Variants in WHRN observed in about 807,000 individuals in gnomAD.
WHRN encodes the protein CASK-interacting protein CIP98.
Under a neutral mutation model 68.3 loss-of-function variants are expected in WHRN, and 41 were observed. The ratio of observed to expected loss-of-function variants is 0.60; its 90% CI spans 0.47 to 0.78. WHRN has a LOEUF of 0.78. Among genes scored for constraint, WHRN ranks in the 30% least tolerant of loss-of-function variants. WHRN has a pLI of 0.00. For missense variants in WHRN, 1,243 were observed against 1,244.7 expected (o/e 1.00, Z 0.02); for synonymous variants, 560 against 561.3 (o/e 1.00, Z 0.03).
chr9:114,425,357 G>A (rs751786695), intron 4 of WHRN: 8 of 599,920 alleles, frequency 1.3e-5, no homozygotes, highest in South Asian at 8.1e-5. Context: ...CTCAGGGTCA[G>A]GCCAACCCTC....
At chr9:114,463,378 C>CA (rs61405136) in intron 3 of WHRN, among the ~76,000 whole-genome samples, 1 of 152,166 alleles carries the variant, frequency 6.6e-6, no homozygotes, top group African/African-American at 2.4e-5. Flanking sequence ...TCCACCTATT[C>CA]AAAATCTTTA....
At chr9:114,428,311 C>CA (rs1837076633) in intron 3 of WHRN, among the ~76,000 whole-genome samples, 1 of 152,314 alleles carries the variant, frequency 6.6e-6, no homozygotes, top group South Asian at 2.1e-4. Context: ...GGCTGGGTGA[C>CA]AGAGCAAGAC....
Position 114,504,770 on chromosome 9 carries a change from C to T in WHRN, c.32G>A (p.Ser11Asn). Reference sequence around the variant, plus strand: ...GCCCAGCGAGCCGGTGGAGGACGAGCTCACCGACAGGCCGTCCAGCGGCGC... The same window carrying T: ...GCCCAGCGAGCCGGTGGAGGACGAGTTCACCGACAGGCCGTCCAGCGGCGC... MNAPLDGLSVSSSSTGSLGSA... is the reference protein window; with the variant it reads MNAPLDGLSVNSSSTGSLGSA... The change falls in exon 1 of 12, where the codon AGC (serine) becomes AAC (asparagine). Residue 11 changes from serine (S) to asparagine (N), a missense_variant. By Grantham distance (46) the Ser-to-Asn change is conservative. Transcript: ENST00000362057. 3 of 1,495,406 alleles carry T rather than the reference C, an allele frequency of 2.0e-6. No individual in the cohort carries two copies. The highest frequency in any genetic ancestry group is 1.4e-5 in the African/African-American group (1 of 69,028). 92.6% of individuals were successfully genotyped at this position (1,495,406 alleles called of 1,614,324 possible). A position where few individuals can be genotyped will look rare whatever the true frequency, so the allele number is the denominator to read the frequency against.
chr9:114,455,713 CAAAA>C (rs34546424), intron 3 of WHRN, among the ~76,000 whole-genome samples: 69 of 123,310 alleles, frequency 5.6e-4, no homozygotes, highest in Admixed American at 9.8e-4. Context: ...GACCCTGTCT[CAAAA>C]AAAAAAAAAA....
At position 114,406,778 on chromosome 9, in the gene WHRN, C is replaced by G. The variant is rs1327235327; in HGVS notation, c.1813G>C (p.Glu605Gln). Residue 605 changes from glutamate (E) to glutamine (Q), a missense_variant, in exon 9 of 12, where the codon GAG (glutamate) becomes CAG (glutamine). Glu to Gln is a conservative substitution (Grantham distance 29, BLOSUM62 2). Coordinates refer to ENST00000362057, the MANE Select transcript of WHRN (RefSeq NM_015404.4). Reference sequence around the variant, plus strand: ...ATGGAGGAAGGTGGCTGGAGGTCCTCTCTCCCCAGCTTCCTTGGCTGGCCT... The same window carrying G: ...ATGGAGGAAGGTGGCTGGAGGTCCTGTCTCCCCAGCTTCCTTGGCTGGCCT... ...PLGQPRKLGREDLQPPSSMPS... is the reference protein window; with the variant it reads ...PLGQPRKLGRQDLQPPSSMPS... 1 of 1,613,906 alleles carries G rather than the reference C, an allele frequency of 6.2e-7. No individual in the cohort carries two copies. Among genetic ancestry groups the G allele is most frequent in the Non-Finnish European group, 8.5e-7 (1 of 1,179,944 alleles).
chr9:114,426,748 G>C (rs900123157), intron 3 of WHRN, among the ~76,000 whole-genome samples: 1 of 152,202 alleles, frequency 6.6e-6, no homozygotes, highest in Non-Finnish European at 1.5e-5. Context: ...GTGAAGCTGG[G>C]GTAGGATGAG....
intron 7 of WHRN, among the ~76,000 whole-genome samples, chr9:114,409,249 G>A (rs1190886817): frequency 6.7e-6 from 1 of 149,006 alleles, no homozygotes; most frequent in Non-Finnish European, 1.5e-5. Flanking sequence ...ACAGAGGTGG[G>A]ACACCAACCC....
At position 114,493,949 on chromosome 9, in the gene WHRN, T is replaced by C. The variant is rs532547171; in HGVS notation, c.618+10235A>G. Among the ~76,000 whole-genome samples, 8 of 152,362 alleles carry C rather than the reference T, an allele frequency of 5.3e-5. No homozygotes were observed. The East Asian group carries it at 1.2e-3, about 22-fold the overall frequency. Reference sequence around the variant, plus strand: ...TGGGCTGTATGCCGTGCTTCTCCGTTAGCAGCCAGCCGAGAGCCCTGGCAA... The same window carrying C: ...TGGGCTGTATGCCGTGCTTCTCCGTCAGCAGCCAGCCGAGAGCCCTGGCAA... On this transcript the variant is annotated intron_variant, in intron 1 of 11. Coordinates refer to ENST00000362057, the MANE Select transcript of WHRN (RefSeq NM_015404.4).
In WHRN at chr9:114,448,151, A is replaced by C. The variant is rs143584387; in HGVS notation, c.963+18116T>G. Among the ~76,000 whole-genome samples the C allele has an allele frequency of 2.6e-5, 4 of 152,284 alleles. No homozygotes were observed. The East Asian group carries it at 7.7e-4, about 29-fold the overall frequency. On this transcript the variant is annotated intron_variant, in intron 3 of 11. Coordinates refer to ENST00000362057, the MANE Select transcript of WHRN (RefSeq NM_015404.4). The stretch of plus-strand genomic sequence containing the variant: ...CTTTGCAGGTGTCATTAAGTTAAGG[A>C]TCTCAAAAAGAGATCATCTTGGATT...
chr9:114,407,255 T>C (rs912700738), intron 8 of WHRN, among the ~76,000 whole-genome samples: 1 of 152,192 alleles, frequency 6.6e-6, no homozygotes, highest in Non-Finnish European at 1.5e-5. Flanking sequence ...GGGGGTGATC[T>C]TGAGTACTAG....
In WHRN at chr9:114,504,217, G is replaced by A. The variant is rs565202482; in HGVS notation, c.585C>T (p.Ser195=). Residue 195 remains serine (S), a synonymous_variant, in exon 1 of 12, where the codon TCC becomes TCT. Transcript: ENST00000362057. ...CCTCCGCGTGGGTCACCCGGGCCAGGGATTTGTCGTTGACGCGCAGAATCT... is the reference window on the plus strand; with the variant it reads ...CCTCCGCGTGGGTCACCCGGGCCAGAGATTTGTCGTTGACGCGCAGAATCT... ...GDQILRVNDK[S]LARVTHAEAV... is the part of the protein sequence containing the mutation. 9 of 1,614,194 alleles carry A rather than the reference G, an allele frequency of 5.6e-6. No individual in the cohort carries two copies. The South Asian group carries it at 8.8e-5, about 16-fold the overall frequency.
chr9:114,488,484 A>G (rs1346312291), intron 1 of WHRN, among the ~76,000 whole-genome samples: 1 of 152,178 alleles, frequency 6.6e-6, no homozygotes, highest in Non-Finnish European at 1.5e-5. Flanking sequence ...TCTCACCAGC[A>G]GTTTAAGGGG....
Position 114,466,368 on chromosome 9 carries a change from G to A in WHRN, c.862C>T (p.Arg288Trp), listed in dbSNP as rs777415661. Residue 288 changes from arginine (R) to tryptophan (W), a missense_variant, in exon 3 of 12, where the codon CGG (arginine) becomes TGG (tryptophan). Arg to Trp is a moderately radical substitution (Grantham distance 101). Coordinates refer to ENST00000362057, the MANE Select transcript of WHRN (RefSeq NM_015404.4). ...CCACGGATCGTGAGGCCCAGGGACC[G>A]GCCGTCCCCCAGCACCAGGTTCACC... Reference protein sequence around the residue: ...KKVNLVLGDGRSLGLTIRGGA... With the variant: ...KKVNLVLGDGWSLGLTIRGGA... 24 of 1,614,064 alleles carry A rather than the reference G, an allele frequency of 1.5e-5. No individual in the cohort carries two copies. The highest frequency in any genetic ancestry group is 3.3e-5 in the South Asian group (3 of 91,082).
Position 114,504,386 on chromosome 9 carries a change from C to T in WHRN, c.416G>A (p.Arg139His), listed in dbSNP as rs768284144. Residue 139 changes from arginine (R) to histidine (H), a missense_variant, in exon 1 of 12, where the codon CGC becomes CAC. Physicochemically the swap from Arg to His is conservative, Grantham distance 29. Transcript: ENST00000362057. Reference protein sequence around the residue: ...GPDSAGPGEVRLVSLRRAKAH... With the variant: ...GPDSAGPGEVHLVSLRRAKAH... ...CTTGGCACGCCGCAAACTCACCAGG[C>T]GCACCTCCCCTGGCCCCGCGCTGTC... 1.2e-6 allele frequency: 2 copies of T among 1,606,206 alleles called. No homozygotes were observed. Among genetic ancestry groups the T allele is most frequent in the South Asian group, 1.1e-5 (1 of 91,066 alleles).
In WHRN at chr9:114,423,494, G is replaced by A. The variant is rs764635027; in HGVS notation, c.1446C>T (p.Thr482=). 6.2e-6 allele frequency: 10 copies of A among 1,612,010 alleles called. No individual in the cohort carries two copies. The South Asian group carries it at 8.8e-5, about 14-fold the overall frequency. ...AGCGTTCTAGGTCTTGCGGGGAAAT[G>A]GTGCCTCTCACCTCAGAGAGGAGTG... The part of the protein sequence containing the change: ...KFSLLSEVRG[T]ISPQDLERFD... The change falls in exon 7 of 12, where the codon ACC becomes ACT. Residue 482 remains threonine (T), a synonymous_variant. Coordinates refer to ENST00000362057, the MANE Select transcript of WHRN (RefSeq NM_015404.4).
chr9:114,403,023 C>T, intron 11 of WHRN, 87 bp from the exon 12 acceptor site: 1 of 1,541,180 alleles, frequency 6.5e-7, no homozygotes, highest in Non-Finnish European at 8.8e-7. Context: ...CCAACACTGC[C>T]AAGCAGGCAG....
intron 1 of WHRN, among the ~76,000 whole-genome samples, chr9:114,497,494 G>A (rs6478085): frequency 0.98 from 147,927 of 151,690 alleles, 72,231 homozygotes; most frequent in East Asian, 1. Context: ...TAGAAACCTG[G>A]ACAGTTTTTG....
rs138536150 is a variant in WHRN at position 114,429,233 on chromosome 9, T to C, written c.964-2820A>G. ...GGCGTGAGCCACCGCGCCCCGCCAG[T>C]GTCAGATTAATTTCATCAACTTTTT... On this transcript the variant is annotated intron_variant, in intron 3 of 11. Transcript: ENST00000362057. 3.6e-3 allele frequency among the ~76,000 whole-genome samples: 551 copies of C among 152,316 alleles called. 9 individuals are homozygous for C. The highest frequency in any genetic ancestry group is 0.033 in the South Asian group (161 of 4,830).
intron 4 of WHRN, chr9:114,425,418 C>A (rs1404648134): frequency 3.8e-6 from 2 of 529,634 alleles, no homozygotes; most frequent in Non-Finnish European, 6.7e-6. Context: ...CTCGCAGGTG[C>A]GGCTCAGCTC....
Sources: gnomAD v4.1 joint callset for allele counts (sites outside exome capture counted in the v4.1 genomes callset) on GRCh38, gnomAD v4.1.1 for gene constraint, MANE v1.5 for transcripts, NCBI Gene and HGNC (gene_info 2026-07-23, HGNC 2026-07-21) for gene names.